GRID2IP: variants seen among roughly 807,000 people sequenced by gnomAD.
GRID2IP encodes the protein delphilin.
Under a neutral mutation model 114.3 loss-of-function variants are expected in GRID2IP, and 78 were observed. The observed-to-expected ratio is 0.68, with a 90% CI of 0.57 to 0.82. The LOEUF is 0.82. GRID2IP is among the 40% of genes least tolerant of loss of function. GRID2IP has a pLI of 0.00. For synonymous variants in GRID2IP, 809 were observed against 724.0 expected (o/e 1.12, Z -1.89); for missense variants, 1,727 against 1,678.5 (o/e 1.03, Z -0.51).
chr7:6,511,526 C>T (rs773800546), intron 8 of GRID2IP, among the ~76,000 whole-genome samples: 1 of 152,000 alleles, frequency 6.6e-6, no homozygotes, highest in Non-Finnish European at 1.5e-5. Flanking sequence ...GTGTCCGTCA[C>T]CATGCCTGGC....
In GRID2IP at chr7:6,503,210, C is replaced by CCTCT. The variant is rs1273076326; in HGVS notation, c.2908-51_2908-48dup. The stretch of plus-strand genomic sequence containing the variant: ...GATTCACCCATCCCCTTCCTGGGAC[C>CCTCT]CTCTGCCCCACCGCAGGCTTTGGGG... On this transcript the variant is annotated intron_variant, in intron 16 of 21. Coordinates refer to ENST00000457091, the MANE Select transcript of GRID2IP (RefSeq NM_001145118.2). 5 of 1,449,676 alleles carry CCTCT rather than the reference C, an allele frequency of 3.4e-6. No homozygotes were observed. In the South Asian group the frequency reaches 7.2e-5, roughly 21 times the overall value. The allele number at this position is 1,449,676 out of a possible 1,614,324, so 89.8% of individuals were successfully genotyped here.
chr7:6,549,287 G>C (rs572594783), intron 1 of GRID2IP, among the ~76,000 whole-genome samples: 1 of 152,272 alleles, frequency 6.6e-6, no homozygotes, highest in Admixed American at 6.5e-5. Flanking sequence ...TTCCATCCCA[G>C]CCCTGGGTCT....
Position 6,532,878 on chromosome 7 carries a change from A to G in GRID2IP, c.585-6109T>C, listed in dbSNP as rs1395947086. 6.6e-6 allele frequency among the ~76,000 whole-genome samples: 1 copy of G among 152,216 alleles called. No individual in the cohort carries two copies. Among genetic ancestry groups the G allele is most frequent in the Non-Finnish European group, 1.5e-5 (1 of 68,040 alleles). On this transcript the variant is annotated intron_variant, in intron 2 of 21. Coordinates refer to ENST00000457091, the MANE Select transcript of GRID2IP (RefSeq NM_001145118.2). The surrounding 1 kb of genome is among the most constrained non-coding windows in gnomAD (Gnocchi z 4.4). ...ACCTCAGAGCCAGGTCTCCGTGGGC[A>G]CAGTGGGGCCAGCTGCTCATGCCTG...
Position 6,520,821 on chromosome 7 carries a change from T to A in GRID2IP, c.1085-60A>T. The A allele has an allele frequency of 4.7e-6, 7 of 1,478,386 alleles. No homozygotes were observed. Among genetic ancestry groups the A allele is most frequent in the South Asian group, 3.8e-5 (3 of 78,154 alleles). The allele number at this position is 1,478,386 out of a possible 1,614,324, so 91.6% of individuals were successfully genotyped here. ...CTCAGAGTCCCCAGGCCAGGTGTAG[T>A]CTCCCTGGCTTTTGAGGTCAGGAGA... On this transcript the variant is annotated intron_variant, in intron 6 of 21. Transcript: ENST00000457091. This position sits in a 1 kb window ranked among gnomAD's most constrained non-coding sequence, Gnocchi z 4.6.
In GRID2IP at chr7:6,522,807, ATGTGTGTGTG is replaced by A. The variant is rs72277817; in HGVS notation, c.920-860_920-851del. On this transcript the variant is annotated intron_variant, in intron 4 of 21. Coordinates refer to ENST00000457091, the MANE Select transcript of GRID2IP (RefSeq NM_001145118.2). ...ACTACAGCCACCATGCCTGGCTAAT[ATGTGTGTGTG>A]TGTGTGTGTGTGTGTGTTAGCGTGT... 2.7e-5 allele frequency among the ~76,000 whole-genome samples: 4 copies of A among 147,574 alleles called. No individual in the cohort carries two copies. The Admixed American group carries it at 2.7e-4, about 10-fold the overall frequency.
At chr7:6,541,590 G>A (rs899731578) in intron 1 of GRID2IP, among the ~76,000 whole-genome samples, 3 of 152,218 alleles carry the variant, frequency 2.0e-5, no homozygotes, top group South Asian at 2.1e-4. Flanking sequence ...AAATGGACAC[G>A]TTGGAAACGT....
chr7:6,503,604 C>T lies in GRID2IP; in HGVS notation c.2794G>A (p.Ala932Thr), dbSNP rs1381866873. The T allele has an allele frequency of 3.9e-6, 6 of 1,529,160 alleles. No individual in the cohort carries two copies. In the Admixed American group the frequency reaches 5.9e-5, roughly 15 times the overall value. 94.7% of individuals were successfully genotyped at this position (1,529,160 alleles called of 1,614,324 possible). A position where few individuals can be genotyped will look rare whatever the true frequency, so the allele number is the denominator to read the frequency against. The change falls in exon 16 of 22, where the codon GCA becomes ACA. Residue 932 changes from alanine (A) to threonine (T), a missense_variant. Ala to Thr is a moderately conservative substitution (Grantham distance 58). Coordinates refer to ENST00000457091, the MANE Select transcript of GRID2IP (RefSeq NM_001145118.2). ...AAGAGCAGCAGCTGCGCGAGATGTG[C>T]GGGCTCCAGGCGCCGGGGCTCCATG... ...MSMEPRRLEP[A>T]HLAQLLLFAP...
chr7:6,512,644 G>T (rs1779200538), intron 8 of GRID2IP, among the ~76,000 whole-genome samples: 1 of 151,924 alleles, frequency 6.6e-6, no homozygotes, highest in Non-Finnish European at 1.5e-5. Flanking sequence ...CCGAGTAGTT[G>T]GAATTACAAC....
intron 2 of GRID2IP, chr7:6,537,031 A>G: frequency 3.1e-6 from 1 of 317,810 alleles, no homozygotes; most frequent in Non-Finnish European, 6.1e-6. Flanking sequence ...GAGTCCGGGA[A>G]GAGGGAGGGG....
intron 15 of GRID2IP, among the ~76,000 whole-genome samples, 168 bp downstream of exon 15, chr7:6,504,625 A>T (rs969676179): frequency 4.6e-5 from 7 of 152,080 alleles, no homozygotes; most frequent in African/African-American, 1.7e-4. Context: ...CCGCGCCCAG[A>T]TGGGATCTGG....
At chr7:6,524,810 G>A (rs897732302) in intron 4 of GRID2IP, among the ~76,000 whole-genome samples, 11 of 151,540 alleles carry the variant, frequency 7.3e-5, no homozygotes, top group African/African-American at 2.4e-4. Flanking sequence ...TCCGCCTCCC[G>A]GGCTCACGCC....
In GRID2IP at chr7:6,551,415, C is replaced by T; in HGVS notation, c.22G>A (p.Ala8Thr). 1 of 1,544,676 alleles carries T rather than the reference C, an allele frequency of 6.5e-7. No individual in the cohort carries two copies. The highest frequency in any genetic ancestry group is 1.7e-4 in the Middle Eastern group (1 of 5,886). ...TCCTCTGGCCAGCCCTGGTTCGTGG[C>T]CGGCGTGGCAGTGGTGGCCATGCAC... MATTATP[A>T]TNQGWPEDFG... Residue 8 changes from alanine (A) to threonine (T), a missense_variant, in exon 1 of 22, where the codon GCC (alanine) becomes ACC (threonine). Ala to Thr is a moderately conservative substitution (Grantham distance 58). Transcript: ENST00000457091.
intron 1 of GRID2IP, 119 bp downstream of exon 1, chr7:6,550,889 T>C: frequency 1.7e-6 from 2 of 1,143,520 alleles, no homozygotes; most frequent in Non-Finnish European, 2.2e-6. Context: ...ATATTTCTGT[T>C]AAATCTGACC....
chr7:6,502,256 G>C (rs923559212), intron 18 of GRID2IP, 138 bp from the exon 19 acceptor site: 1 of 773,146 alleles, frequency 1.3e-6, no homozygotes, highest in East Asian at 2.7e-5. Context: ...GCAGGGTCTT[G>C]CTCTGTTGCC....
At chr7:6,518,903 A>G (rs571194418) in intron 7 of GRID2IP, among the ~76,000 whole-genome samples, 1 of 119,630 alleles carries the variant, frequency 8.4e-6, no homozygotes, top group Non-Finnish European at 1.7e-5. Context: ...CATGATATCA[A>G]GCACAGTTTT....
chr7:6,550,976 T>TCCCC, intron 1 of GRID2IP, 32 bp downstream of exon 1: 4 of 1,015,788 alleles, frequency 3.9e-6, no homozygotes, highest in Non-Finnish European at 3.7e-6. Context: ...GCCCCCTCCT[T>TCCCC]CCCGCCCCCA....
intron 2 of GRID2IP, among the ~76,000 whole-genome samples, chr7:6,535,521 C>T (rs1458022459): frequency 2.6e-5 from 4 of 152,206 alleles, no homozygotes; most frequent in East Asian, 3.9e-4. Flanking sequence ...CACACACACA[C>T]GTGTATATTT....
chr7:6,503,111 G>A lies in GRID2IP; in HGVS notation c.2960C>T (p.Ala987Val), dbSNP rs773826399. ...CTCCTCTGTCTTCTCCTGGAGGGTG[G>A]CCTGGAAGTGGAGGCTGCGCAGGCG... ...KTRLRSLHFQ[A>V]TLQEKTEEIR... Residue 987 changes from alanine (A) to valine (V), a missense_variant, in exon 17 of 22, where the codon GCC (alanine) becomes GTC (valine). Ala to Val is a moderately conservative substitution (Grantham distance 64, BLOSUM62 0). Coordinates refer to ENST00000457091, the MANE Select transcript of GRID2IP (RefSeq NM_001145118.2). The A allele has an allele frequency of 4.5e-6, 7 of 1,550,150 alleles. No homozygotes were observed. The highest frequency in any genetic ancestry group is 6.1e-6 in the Non-Finnish European group (7 of 1,146,362).
At chr7:6,503,193 C>T (rs1331884734) in intron 16 of GRID2IP, 30 bp from the exon 17 acceptor site, 17 of 1,372,084 alleles carry the variant, frequency 1.2e-5, no homozygotes, top group Non-Finnish European at 1.5e-5. Flanking sequence ...AGGATTCACC[C>T]ATCCCCTTCC....
Sources: allele counts gnomAD v4.1 joint callset (sites outside exome capture counted in the v4.1 genomes callset), GRCh38; gene constraint gnomAD v4.1.1; non-coding constraint Gnocchi (gnomAD v3.1); transcripts MANE v1.5; gene names NCBI Gene and HGNC (gene_info 2026-07-23, HGNC 2026-07-21).